PPM1D: variants seen among roughly 807,000 people sequenced by gnomAD.
The protein encoded by PPM1D is protein phosphatase, Mg2+/Mn2+ dependent 1D, also known as protein phosphatase 1D.
PPM1D carries 52 observed loss-of-function variants against 58.3 expected under a neutral mutation model. The observed-to-expected ratio is 0.89, with a 90% confidence interval of 0.71 to 1.12. The LOEUF (loss-of-function observed/expected upper bound fraction) is 1.12. PPM1D is among the 50% of genes most tolerant of loss of function. PPM1D has a pLI of 0.00. For synonymous variants in PPM1D, 278 were observed against 285.1 expected (o/e 0.98, Z 0.25); for missense variants, 564 against 777.2 (o/e 0.73, Z 3.26).
At chr17:60,631,961 G>A (rs1392872871) in intron 2 of PPM1D, among the ~76,000 whole-genome samples, 3 of 151,706 alleles carry the variant, frequency 2.0e-5, no homozygotes, top group Non-Finnish European at 4.4e-5. Flanking sequence ...GGTGGATCAC[G>A]AGGTCAGGAG....
At chr17:60,652,167 T>G (rs2031354599) in intron 4 of PPM1D, among the ~76,000 whole-genome samples, 1 of 152,172 alleles carries the variant, frequency 6.6e-6, no homozygotes, top group African/African-American at 2.4e-5. Context: ...CTTCCTGGCT[T>G]CTTGTAACCA....
chr17:60,618,278 T>C (rs2030626409), intron 1 of PPM1D, among the ~76,000 whole-genome samples: 1 of 152,190 alleles, frequency 6.6e-6, no homozygotes, highest in African/African-American at 2.4e-5. Context: ...GGTTGACTCA[T>C]GTATTTGTTG....
At chr17:60,658,479 T>C (rs1023102547) in intron 5 of PPM1D, among the ~76,000 whole-genome samples, 1 of 151,448 alleles carries the variant, frequency 6.6e-6, no homozygotes, top group African/African-American at 2.4e-5. Flanking sequence ...AGATACCCCA[T>C]CTCTACTAAA....
intron 2 of PPM1D, among the ~76,000 whole-genome samples, chr17:60,626,585 G>A (rs142890606): frequency 0.047 from 7,072 of 151,908 alleles, 587 homozygotes; most frequent in African/African-American, 0.16. Context: ...TAGTAGAGAT[G>A]GGGTTTCACC....
intron 2 of PPM1D, among the ~76,000 whole-genome samples, chr17:60,624,384 T>C (rs2143656672): frequency 6.6e-6 from 1 of 152,358 alleles, no homozygotes; most frequent in Admixed American, 6.5e-5. Flanking sequence ...CAATGTTTTC[T>C]AAATAATCCT....
intron 4 of PPM1D, among the ~76,000 whole-genome samples, chr17:60,648,296 C>G (rs2031283617): frequency 6.6e-6 from 1 of 152,052 alleles, no homozygotes; most frequent in African/African-American, 2.4e-5. Flanking sequence ...AAACACACAA[C>G]CACTGACTTC....
intron 1 of PPM1D, among the ~76,000 whole-genome samples, chr17:60,601,858 A>C (rs1052632059): frequency 6.6e-6 from 1 of 152,198 alleles, no homozygotes; most frequent in African/African-American, 2.4e-5. Context: ...TTGCTTATCT[A>C]TTGCAGTGAA....
chr17:60,611,349 A>T (rs1243908427), intron 1 of PPM1D, among the ~76,000 whole-genome samples: 1 of 151,554 alleles, frequency 6.6e-6, no homozygotes, highest in Admixed American at 6.6e-5. Context: ...ATACCTTTTA[A>T]TTTTTTTGCC....
chr17:60,647,802 G>C, intron 3 of PPM1D, 90 bp from the exon 4 acceptor site: 2 of 1,269,736 alleles, frequency 1.6e-6, no homozygotes, highest in Non-Finnish European at 2.2e-6. Flanking sequence ...CTATTGAGAT[G>C]AACTGTGTAG....
Position 60,615,425 on chromosome 17 carries a change from G to T in PPM1D, c.473-8096G>T, listed in dbSNP as rs1484794967. Among the ~76,000 whole-genome samples the T allele has an allele frequency of 5.3e-5, 8 of 151,510 alleles. No individual in the cohort carries two copies. In the Admixed American group the frequency reaches 5.3e-4, roughly 10 times the overall value. On this transcript the variant is annotated intron_variant, in intron 1 of 5. Transcript: ENST00000305921. ...ACTCTGTCTGAGGAAAAAATGAAAA[G>T]AATACTTAAGTGAGAGTTAGTATAC...
At chr17:60,618,569 T>G (rs989860823) in intron 1 of PPM1D, among the ~76,000 whole-genome samples, 22 of 152,228 alleles carry the variant, frequency 1.4e-4, no homozygotes, top group African/African-American at 4.8e-4. Flanking sequence ...TTGCATATTT[T>G]GTGGCTGTTT....
intron 2 of PPM1D, among the ~76,000 whole-genome samples, chr17:60,631,274 C>G (rs2030914928): frequency 6.6e-6 from 1 of 151,986 alleles, no homozygotes; most frequent in African/African-American, 2.4e-5. Flanking sequence ...GAGCCACGAT[C>G]ACACCACTGC....
chr17:60,656,317 G>A (rs536271351), intron 4 of PPM1D, among the ~76,000 whole-genome samples: 1 of 151,442 alleles, frequency 6.6e-6, no homozygotes, highest in Non-Finnish European at 1.5e-5. Context: ...GCCGGCCATG[G>A]TGGCGGGCGC....
intron 3 of PPM1D, among the ~76,000 whole-genome samples, chr17:60,636,475 A>G (rs2031023464): frequency 6.6e-6 from 1 of 152,230 alleles, no homozygotes; most frequent in Non-Finnish European, 1.5e-5. Context: ...AGTAGGACAC[A>G]TACTGTGTTA....
intron 3 of PPM1D, among the ~76,000 whole-genome samples, chr17:60,644,260 T>G (rs569218946): frequency 1.3e-5 from 2 of 151,978 alleles, no homozygotes; most frequent in African/African-American, 4.8e-5. Context: ...TTGTTTTAGG[T>G]TAAAAATGAC....
In PPM1D at chr17:60,615,470, A is replaced by T. The variant is rs183513167; in HGVS notation, c.473-8051A>T. Among the ~76,000 whole-genome samples, 37 of 151,988 alleles carry T rather than the reference A, an allele frequency of 2.4e-4. 1 individual carries two copies. The highest frequency in any genetic ancestry group is 1.6e-3 in the Admixed American group (24 of 15,224). On this transcript the variant is annotated intron_variant, in intron 1 of 5. Transcript: ENST00000305921. ...GTATACTAGATGGTGCTGTCTTTTAATGCACTTCTCGTTTTATGTCATTAA... is the reference window on the plus strand; with the variant it reads ...GTATACTAGATGGTGCTGTCTTTTATTGCACTTCTCGTTTTATGTCATTAA...
At chr17:60,601,898 G>A (rs1273198611) in intron 1 of PPM1D, among the ~76,000 whole-genome samples, 5 of 152,200 alleles carry the variant, frequency 3.3e-5, no homozygotes, top group African/African-American at 1.2e-4. Context: ...TTAGAGCAAA[G>A]AAGACAATAC....
At chr17:60,611,683 C>T (rs1464284848) in intron 1 of PPM1D, among the ~76,000 whole-genome samples, 4 of 151,920 alleles carry the variant, frequency 2.6e-5, no homozygotes, top group East Asian at 1.9e-4. Flanking sequence ...CCTCCCAAAG[C>T]GCTGGGATTG....
chr17:60,653,363 C>T (rs8070762), intron 4 of PPM1D, among the ~76,000 whole-genome samples: 20,568 of 152,072 alleles, frequency 0.14, 4,176 homozygotes, highest in African/African-American at 0.44. Flanking sequence ...TGGATTTATA[C>T]ATAGGTTTTC....
Sources: allele counts gnomAD v4.1 joint callset (sites outside exome capture counted in the v4.1 genomes callset), GRCh38; gene constraint gnomAD v4.1.1; transcripts MANE v1.5; gene names NCBI Gene and HGNC (gene_info 2026-07-23, HGNC 2026-07-21).